Variants in ITGB6 observed in about 807,000 individuals in gnomAD.
ITGB6 encodes integrin subunit beta 6, also known as integrin beta-6.
In ITGB6, 80 loss-of-function variants were observed where a neutral mutation model predicts 84.5. The observed-to-expected ratio is 0.95, with a 90% CI of 0.79 to 1.14. The LOEUF (loss-of-function observed/expected upper bound fraction) is 1.14, where lower values mean the gene tolerates loss of function less well. Ranked by LOEUF, ITGB6 falls within the 50% of genes most tolerant of loss-of-function variation. The pLI is 0.00. For synonymous variants in ITGB6, 383 were observed against 354.9 expected (o/e 1.08, Z -0.89); for missense variants, 1,006 against 968.0 (o/e 1.04, Z -0.52).
intron 2 of ITGB6, among the ~76,000 whole-genome samples, chr2:160,198,446 A>T (rs1377376468): frequency 6.6e-6 from 1 of 152,228 alleles, no homozygotes; most frequent in Non-Finnish European, 1.5e-5. Flanking sequence ...TGTTTAGATT[A>T]TCTTTATGAG....
At chr2:160,131,846 C>T (rs981224444) in intron 10 of ITGB6, among the ~76,000 whole-genome samples, 4 of 152,114 alleles carry the variant, frequency 2.6e-5, no homozygotes, top group Non-Finnish European at 5.9e-5. Context: ...TAGCTACAAT[C>T]CACAGATCAA....
rs765905953 is a variant in ITGB6 at position 160,199,190 on chromosome 2, A to G, written c.130T>C (p.Cys44Arg). ...GTCATTTATTTTACCTCCTGAGCAC[A>G]CCAGGCACACTGAGGTCCAATAAGC... ...CLLIGPQCAW[C>R]AQENFTHPSG... The change falls in exon 2 of 15, where the codon TGT (cysteine) becomes CGT (arginine). Residue 44 changes from cysteine to arginine, a missense_variant. By Grantham distance (180) the Cys-to-Arg change is radical (BLOSUM62 -3). Coordinates refer to ENST00000283249, the MANE Select transcript of ITGB6 (RefSeq NM_000888.5). 2 of 1,613,878 alleles carry G rather than the reference A, an allele frequency of 1.2e-6. No homozygotes were observed. Among genetic ancestry groups the G allele is most frequent in the Non-Finnish European group, 1.7e-6 (2 of 1,179,758 alleles).
intron 4 of ITGB6, among the ~76,000 whole-genome samples, chr2:160,178,717 G>C (rs1404259131): frequency 7.1e-6 from 1 of 140,250 alleles, no homozygotes; most frequent in Admixed American, 7.4e-5. Context: ...TTTGAGACAG[G>C]GTCTCCCTCT....
In ITGB6 at chr2:160,137,792, G is replaced by C; in HGVS notation, c.1302C>G (p.Ile434Met). 1 of 1,614,144 alleles carries C rather than the reference G, an allele frequency of 6.2e-7. No homozygotes were observed. The highest frequency in any genetic ancestry group is 8.5e-7 in the Non-Finnish European group (1 of 1,180,018). The change falls in exon 10 of 15, where the codon ATC (isoleucine) becomes ATG (methionine). Residue 434 changes from isoleucine (I) to methionine (M), a missense_variant. Physicochemically the swap from Ile to Met is conservative, Grantham distance 10. Transcript: ENST00000283249. ...CATCCCCCAGCCCCACAGGCTTTAT[G>C]ATAATGTGCCTGCTTCTTCTCTCGC... is the stretch of plus-strand genomic sequence containing the variant. Reference protein sequence around the residue: ...PHCERRSRHIIIKPVGLGDAL... With the variant: ...PHCERRSRHIMIKPVGLGDAL...
At chr2:160,146,905 A>G (rs1378868254) in intron 7 of ITGB6, among the ~76,000 whole-genome samples, 6 of 152,000 alleles carry the variant, frequency 3.9e-5, no homozygotes, top group Admixed American at 3.9e-4. Flanking sequence ...GTTCGAGACC[A>G]GCCAGGTAAC....
At chr2:160,141,946 A>G in intron 8 of ITGB6, 36 bp downstream of exon 8, 1 of 1,320,924 alleles carries the variant, frequency 7.6e-7, no homozygotes, top group South Asian at 1.2e-5. Context: ...AATACCAAAG[A>G]AATGCAAAAA....
intron 11 of ITGB6, 128 bp downstream of exon 11, chr2:160,126,251 T>C: frequency 1.3e-6 from 1 of 771,550 alleles, no homozygotes; most frequent in Admixed American, 2.4e-5. Context: ...GGTTTGTGTG[T>C]GTTTTGATGG....
At chr2:160,161,930 A>T (rs1233827748) in intron 7 of ITGB6, among the ~76,000 whole-genome samples, 2 of 152,306 alleles carry the variant, frequency 1.3e-5, no homozygotes, top group African/African-American at 4.8e-5. Flanking sequence ...TGGCTGCAAC[A>T]CTTGTAATGC....
At chr2:160,123,124 AT>A (rs1683105376) in intron 12 of ITGB6, among the ~76,000 whole-genome samples, 1 of 152,222 alleles carries the variant, frequency 6.6e-6, no homozygotes, top group African/African-American at 2.4e-5. Context: ...CTATTTAAAT[AT>A]TTGAGGTGAA....
chr2:160,189,821 A>C lies in ITGB6; in HGVS notation c.593+5548T>G, dbSNP rs1194302163. ...CGATGCCTCAGGGATCTAGAACTAGAAATACCATTTGACCCAGCCATCCCA... is the reference window on the plus strand; with the variant it reads ...CGATGCCTCAGGGATCTAGAACTAGCAATACCATTTGACCCAGCCATCCCA... On this transcript the variant is annotated intron_variant, in intron 4 of 14. Transcript: ENST00000283249. 2.0e-5 allele frequency among the ~76,000 whole-genome samples: 3 copies of C among 152,162 alleles called. No individual in the cohort carries two copies. The East Asian group carries it at 5.8e-4, about 29-fold the overall frequency.
chr2:160,114,682 G>A (rs573884496), intron 12 of ITGB6, among the ~76,000 whole-genome samples: 7 of 152,250 alleles, frequency 4.6e-5, no homozygotes, highest in East Asian at 3.9e-4. Flanking sequence ...CGCACCGTGC[G>A]CGAGCCAAAG....
At position 160,123,879 on chromosome 2, in the gene ITGB6, A is replaced by G. The variant is rs1683137031; in HGVS notation, c.1893T>C (p.Ile631=). ...GGCCAGCTGCTGACAGGTGGCACTC[A>G]ATGCAGCTCCTGTGGACAGTATCCA... ...GDPCNSKRSC[I]ECHLSAAGQA... Residue 631 remains isoleucine, a synonymous_variant, in exon 12 of 15, where the codon ATT becomes ATC. Transcript: ENST00000283249. 1.9e-6 allele frequency: 3 copies of G among 1,613,306 alleles called. No individual in the cohort carries two copies. The highest frequency in any genetic ancestry group is 2.5e-6 in the Non-Finnish European group (3 of 1,179,394).
At chr2:160,158,344 G>A (rs13413256) in intron 7 of ITGB6, among the ~76,000 whole-genome samples, 19,386 of 152,128 alleles carry the variant, frequency 0.13, 2,387 homozygotes, top group East Asian at 0.45. Context: ...GCGAGTGCTC[G>A]GCAGCAGTAA....
chr2:160,120,558 C>T (rs1682985125), intron 12 of ITGB6, among the ~76,000 whole-genome samples: 1 of 59,662 alleles, frequency 1.7e-5, no homozygotes, highest in Admixed American at 2.3e-4. Flanking sequence ...GGGAGATATA[C>T]CTAATGCTAG....
chr2:160,136,023 G>A (rs935982900), intron 10 of ITGB6, among the ~76,000 whole-genome samples: 12 of 152,184 alleles, frequency 7.9e-5, no homozygotes, highest in Admixed American at 6.5e-4. Context: ...AACACCAAAA[G>A]CAATGGCAAC....
At chr2:160,143,769 A>G (rs530846099) in intron 7 of ITGB6, among the ~76,000 whole-genome samples, 1 of 152,328 alleles carries the variant, frequency 6.6e-6, no homozygotes, top group East Asian at 1.9e-4. Context: ...ATCATTAATT[A>G]TAATAGTGAT....
chr2:160,112,760 G>A (rs1282809839), intron 12 of ITGB6, among the ~76,000 whole-genome samples: 1 of 150,966 alleles, frequency 6.6e-6, no homozygotes, highest in Non-Finnish European at 1.5e-5. Flanking sequence ...CACAGTGACA[G>A]TTTGTCTATC....
In ITGB6 at chr2:160,101,600, AGAG is replaced by A; in HGVS notation, c.*133_*135del. 1 of 658,986 alleles carries A rather than the reference AGAG, an allele frequency of 1.5e-6. No homozygotes were observed. Among genetic ancestry groups the A allele is most frequent in the Non-Finnish European group, 2.7e-6 (1 of 368,580 alleles). 40.8% of individuals were successfully genotyped at this position (658,986 alleles called of 1,614,324 possible). The stretch of plus-strand genomic sequence containing the variant: ...TGCCAACAGTCTGTCACCTTCATGT[AGAG>A]GATGACTTATCTGCAGATGTCCTAT... On this transcript the variant is annotated 3_prime_UTR_variant, in exon 15 of 15. Transcript: ENST00000283249.
chr2:160,133,061 A>G (rs1162278419), intron 10 of ITGB6, among the ~76,000 whole-genome samples: 1 of 152,138 alleles, frequency 6.6e-6, no homozygotes, highest in Non-Finnish European at 1.5e-5. Context: ...CTTATTTAGC[A>G]GTCTACCTAG....
Sources: allele counts gnomAD v4.1 joint callset (sites outside exome capture counted in the v4.1 genomes callset), GRCh38; gene constraint gnomAD v4.1.1; transcripts MANE v1.5; gene names NCBI Gene and HGNC (gene_info 2026-07-23, HGNC 2026-07-21).